Variants in DIS3L2 observed in about 807,000 individuals in gnomAD.
The protein encoded by DIS3L2 is DIS3 like 3'-5' exoribonuclease 2, also known as DIS3-like exonuclease 2.
A neutral mutation model predicts 97.5 loss-of-function variants in DIS3L2; 34 were observed. That is an observed-to-expected ratio of 0.35 (90% CI 0.27 to 0.46). DIS3L2 has a LOEUF of 0.46. Ranked by LOEUF, DIS3L2 falls within the 20% of genes least tolerant of loss-of-function variation. DIS3L2 has a pLI of 1.00. For synonymous variants in DIS3L2, 435 were observed against 445.2 expected (o/e 0.98, Z 0.29); for missense variants, 1,038 against 1,146.0 (o/e 0.91, Z 1.36).
At chr2:232,333,174 TCGCCTCCTC>T (rs1559218425) in intron 16 of DIS3L2, among the ~76,000 whole-genome samples, 3 of 27,048 alleles carry the variant, frequency 1.1e-4, no homozygotes, top group African/African-American at 4.6e-4. Context: ...TCCTCCGCTG[TCGCCTCCTC>T]CTCCTCCTCC....
intron 10 of DIS3L2, among the ~76,000 whole-genome samples, chr2:232,213,958 G>A (rs988334754): frequency 6.6e-6 from 1 of 151,960 alleles, no homozygotes; most frequent in Admixed American, 6.6e-5. Context: ...AGCTTGGAAG[G>A]GATTCTACTG....
chr2:232,156,678 G>A (rs1047171576), intron 8 of DIS3L2, among the ~76,000 whole-genome samples: 1 of 152,070 alleles, frequency 6.6e-6, no homozygotes, highest in Non-Finnish European at 1.5e-5. Flanking sequence ...GGTCCGTATT[G>A]TATCCTGGAG....
intron 1 of DIS3L2, among the ~76,000 whole-genome samples, chr2:231,992,970 C>G (rs1300250682): frequency 6.6e-6 from 1 of 152,060 alleles, no homozygotes; most frequent in Non-Finnish European, 1.5e-5. Context: ...TCTCGATATT[C>G]TTCCTAGGCT....
intron 10 of DIS3L2, among the ~76,000 whole-genome samples, chr2:232,227,006 A>G (rs1373250582): frequency 6.6e-6 from 1 of 152,068 alleles, no homozygotes; most frequent in Admixed American, 6.6e-5. Context: ...AAACAAAAAA[A>G]AACCCAGGAA....
At chr2:232,215,378 T>C (rs1053495492) in intron 10 of DIS3L2, among the ~76,000 whole-genome samples, 6 of 152,190 alleles carry the variant, frequency 3.9e-5, no homozygotes, top group African/African-American at 1.4e-4. Context: ...TCTGTCCCAC[T>C]ATCTGCATAG....
At chr2:232,034,539 A>T (rs956862372) in intron 5 of DIS3L2, among the ~76,000 whole-genome samples, 1 of 151,906 alleles carries the variant, frequency 6.6e-6, no homozygotes, top group African/African-American at 2.4e-5. Flanking sequence ...TTGCTTCTCT[A>T]GTTCATTTAA....
intron 6 of DIS3L2, among the ~76,000 whole-genome samples, chr2:232,104,136 G>C (rs3100591): frequency 0.93 from 141,466 of 152,264 alleles, 65,793 homozygotes; most frequent in East Asian, 1. Context: ...TATGGTAAAT[G>C]TGAGATGGTC....
rs117482417 is a variant in DIS3L2 at position 232,305,680 on chromosome 2, C to T, written c.1739+5561C>T. On this transcript the variant is annotated intron_variant, in intron 14 of 20. Transcript: ENST00000325385. Reference sequence around the variant, plus strand: ...TATCATAAGATCATCTTAGGCTGTGCGCAGTGGCTCACGCCTGTAATCCCA... The same window carrying T: ...TATCATAAGATCATCTTAGGCTGTGTGCAGTGGCTCACGCCTGTAATCCCA... Among the ~76,000 whole-genome samples the T allele has an allele frequency of 3.9e-5, 6 of 152,140 alleles. No individual in the cohort carries two copies. In the East Asian group the frequency reaches 9.7e-4, roughly 25 times the overall value.
chr2:232,022,803 A>G (rs1035007398), intron 3 of DIS3L2, among the ~76,000 whole-genome samples: 1 of 152,148 alleles, frequency 6.6e-6, no homozygotes, highest in Non-Finnish European at 1.5e-5. Flanking sequence ...GAGTGAGTGG[A>G]TGAATATTTA....
chr2:232,222,505 C>G (rs1291107206), intron 10 of DIS3L2, among the ~76,000 whole-genome samples: 1 of 152,148 alleles, frequency 6.6e-6, no homozygotes, highest in Non-Finnish European at 1.5e-5. Flanking sequence ...GAGTCTTGCT[C>G]TGTCGCCCAG....
intron 17 of DIS3L2, among the ~76,000 whole-genome samples, 154 bp downstream of exon 17, chr2:232,334,141 C>T (rs1373026968): frequency 6.6e-6 from 1 of 152,206 alleles, no homozygotes; most frequent in Non-Finnish European, 1.5e-5. Flanking sequence ...CCTGGAAACT[C>T]TCCCTACGGG....
chr2:232,036,767 A>T (rs1182591855), intron 5 of DIS3L2, among the ~76,000 whole-genome samples: 1 of 152,138 alleles, frequency 6.6e-6, no homozygotes, highest in Non-Finnish European at 1.5e-5. Flanking sequence ...TCTTCTTCTA[A>T]CAGTCAGGCC....
At chr2:232,148,033 T>TCTCCC in intron 8 of DIS3L2, among the ~76,000 whole-genome samples, 2 of 116,692 alleles carry the variant, frequency 1.7e-5, no homozygotes, top group Admixed American at 9.1e-5. Context: ...TCTCTTCTCC[T>TCTCCC]GTCCCCTCCC....
chr2:232,097,089 A>T (rs762865601), intron 6 of DIS3L2, among the ~76,000 whole-genome samples: 4 of 152,132 alleles, frequency 2.6e-5, no homozygotes, highest in Non-Finnish European at 4.4e-5. Flanking sequence ...ATTCAAAAGG[A>T]TTTGTGTATT....
chr2:232,021,561 G>T (rs1340428655), intron 3 of DIS3L2, among the ~76,000 whole-genome samples: 1 of 151,996 alleles, frequency 6.6e-6, no homozygotes, highest in Non-Finnish European at 1.5e-5. Flanking sequence ...ACAGGCTAGG[G>T]TTGCTTGGTC....
In DIS3L2 at chr2:232,222,191, C is replaced by T. The variant is rs570174055; in HGVS notation, c.1204+11786C>T. Among the ~76,000 whole-genome samples the T allele has an allele frequency of 6.6e-5, 10 of 152,266 alleles. No individual in the cohort carries two copies. In the South Asian group the frequency reaches 2.1e-3, roughly 32 times the overall value. On this transcript the variant is annotated intron_variant, in intron 10 of 20. Coordinates refer to ENST00000325385, the MANE Select transcript of DIS3L2 (RefSeq NM_152383.5). ...CTCCTGACCTCAGGTTATCCACCCACCTCGGCTTCCCAAAGTGCTGGGATT... is the reference window on the plus strand; with the variant it reads ...CTCCTGACCTCAGGTTATCCACCCATCTCGGCTTCCCAAAGTGCTGGGATT...
intron 6 of DIS3L2, among the ~76,000 whole-genome samples, chr2:232,096,973 C>T (rs1697038584): frequency 6.6e-6 from 1 of 152,104 alleles, no homozygotes; most frequent in Admixed American, 6.5e-5. Flanking sequence ...GGTGTTGATG[C>T]TTGTGGTTGT....
intron 6 of DIS3L2, among the ~76,000 whole-genome samples, chr2:232,097,087 G>A (rs1215697295): frequency 2.6e-5 from 4 of 152,156 alleles, no homozygotes; most frequent in African/African-American, 9.7e-5. Flanking sequence ...GTATTCAAAA[G>A]GATTTGTGTA....
At chr2:232,144,448 A>G (rs1468021808) in intron 8 of DIS3L2, among the ~76,000 whole-genome samples, 1 of 152,114 alleles carries the variant, frequency 6.6e-6, no homozygotes, top group Non-Finnish European at 1.5e-5. Context: ...TTCCTCTTCT[A>G]GACAGTGTTT....
Sources: allele counts gnomAD v4.1 joint callset (sites outside exome capture counted in the v4.1 genomes callset), GRCh38; gene constraint gnomAD v4.1.1; transcripts MANE v1.5; gene names NCBI Gene and HGNC (gene_info 2026-07-23, HGNC 2026-07-21).